The following NREP variants were observed in gnomAD, a reference collection of about 807,000 sequenced individuals.
NREP encodes neuronal regeneration related protein.
NREP carries 5 observed loss-of-function variants against 8.6 expected under a neutral mutation model. The observed-to-expected ratio is 0.58, with a 90% confidence interval of 0.30 to 1.22. The LOEUF is 1.22. NREP is among the 50% of genes most tolerant of loss of function. The probability of loss-of-function intolerance (pLI) is 0.07; values close to 1 mark genes in which losing one functional copy is unlikely to be tolerated. For synonymous variants in NREP, 27 were observed against 28.0 expected, an observed-to-expected ratio of 0.96 and a Z score of 0.11; for missense variants, 86 against 82.5, an observed-to-expected ratio of 1.04 and a Z score of -0.17.
chr5:111,811,069 A>G (rs1391856288), intron 2 of NREP, among the ~76,000 whole-genome samples: 1 of 152,202 alleles, frequency 6.6e-6, no homozygotes, highest in African/African-American at 2.4e-5. Flanking sequence ...ACAGTACAAT[A>G]GTGTGGAATA....
At chr5:111,882,641 ACT>A (rs1363709277) in intron 2 of NREP, among the ~76,000 whole-genome samples, 3 of 152,194 alleles carry the variant, frequency 2.0e-5, no homozygotes, top group African/African-American at 7.2e-5. Flanking sequence ...CTCGGCAGAA[ACT>A]CTACAAGCCA....
chr5:111,858,564 C>T (rs1048385820), intron 2 of NREP, among the ~76,000 whole-genome samples: 1 of 152,032 alleles, frequency 6.6e-6, no homozygotes. Context: ...ACAGGAGCAT[C>T]GCTTCAGCCC....
intron 2 of NREP, among the ~76,000 whole-genome samples, chr5:111,873,258 C>G (rs1254306020): frequency 2.6e-5 from 4 of 152,094 alleles, no homozygotes; most frequent in African/African-American, 7.2e-5. Flanking sequence ...AGAAAGGACA[C>G]AGAGAAGAAG....
chr5:111,925,415 C>T (rs971180658), intron 2 of NREP, among the ~76,000 whole-genome samples: 1 of 152,164 alleles, frequency 6.6e-6, no homozygotes, highest in Admixed American at 6.5e-5. Context: ...CTGTACTTTA[C>T]AGACCTCTAA....
chr5:111,956,225 G>C (rs1430915045), intron 2 of NREP, among the ~76,000 whole-genome samples: 2 of 152,014 alleles, frequency 1.3e-5, no homozygotes, highest in Non-Finnish European at 2.9e-5. Context: ...TGGGCTCACA[G>C]ACAAGAATTG....
At chr5:111,876,177 G>GA in intron 2 of NREP, among the ~76,000 whole-genome samples, 1 of 152,232 alleles carries the variant, frequency 6.6e-6, no homozygotes, top group Non-Finnish European at 1.5e-5. Flanking sequence ...CACAGCTGCT[G>GA]GCATTCCCAC....
At chr5:111,791,189 CT>C (rs753974320) in intron 2 of NREP, among the ~76,000 whole-genome samples, 6 of 152,176 alleles carry the variant, frequency 3.9e-5, no homozygotes, top group Non-Finnish European at 5.9e-5. Context: ...ATTAATGTAT[CT>C]ATTATCTCAC....
At chr5:111,775,796 T>C (rs145002002) in intron 2 of NREP, among the ~76,000 whole-genome samples, 81 of 152,260 alleles carry the variant, frequency 5.3e-4, no homozygotes, top group Non-Finnish European at 9.9e-4. Flanking sequence ...AAAATACTTG[T>C]GACTCCTATC....
In NREP at chr5:111,729,486, C is replaced by T. The variant is rs2112767019; in HGVS notation, c.*1435G>A. The T allele has an allele frequency of 2.0e-5, 3 of 152,732 alleles. 1 individual carries two copies. Among genetic ancestry groups the T allele is most frequent in the Admixed American group, 2.0e-4 (3 of 15,300 alleles). The allele number at this position is 152,732 out of a possible 1,614,324, so 9.5% of individuals were successfully genotyped here. A position where few individuals can be genotyped will look rare whatever the true frequency, so the allele number is the denominator to read the frequency against. Reference sequence around the variant, plus strand: ...GAATACTGTTTTCTTGCTCTATTTACACAGCTGATATACCTATTCTAACGA... The same window carrying T: ...GAATACTGTTTTCTTGCTCTATTTATACAGCTGATATACCTATTCTAACGA... On this transcript the variant is annotated 3_prime_UTR_variant, in exon 4 of 4. Transcript: ENST00000257435.
chr5:111,927,756 C>G (rs1393188138), intron 2 of NREP, among the ~76,000 whole-genome samples: 1 of 152,130 alleles, frequency 6.6e-6, no homozygotes, highest in Non-Finnish European at 1.5e-5. Context: ...CCCTTTCCTC[C>G]TTTCCTTCCT....
intron 2 of NREP, among the ~76,000 whole-genome samples, chr5:111,781,934 C>T (rs1310246598): frequency 6.6e-6 from 1 of 151,902 alleles, no homozygotes; most frequent in Non-Finnish European, 1.5e-5. Flanking sequence ...ATTTACTAAC[C>T]ATGTGATTAA....
intron 2 of NREP, among the ~76,000 whole-genome samples, chr5:111,825,403 C>T (rs1050704939): frequency 6.6e-6 from 1 of 152,084 alleles, no homozygotes; most frequent in African/African-American, 2.4e-5. Flanking sequence ...GCTCCCTATG[C>T]TTTTTTCATT....
At chr5:111,949,235 A>G (rs571292033) in intron 2 of NREP, among the ~76,000 whole-genome samples, 23 of 152,186 alleles carry the variant, frequency 1.5e-4, no homozygotes, top group African/African-American at 4.3e-4. Flanking sequence ...GGCTGAAAAC[A>G]TGGAACATGT....
intron 2 of NREP, among the ~76,000 whole-genome samples, chr5:111,824,282 C>T (rs572253020): frequency 1.8e-4 from 28 of 152,080 alleles, no homozygotes; most frequent in Admixed American, 7.2e-4. Flanking sequence ...GGCAGGAGAA[C>T]GGCATGAACC....
At chr5:111,811,146 T>G (rs1433257600) in intron 2 of NREP, among the ~76,000 whole-genome samples, 13 of 152,206 alleles carry the variant, frequency 8.5e-5, no homozygotes, top group Admixed American at 8.5e-4. Context: ...CACTTCTGTC[T>G]TATGCCTATG....
At chr5:111,904,753 A>G (rs1221983356) in intron 2 of NREP, among the ~76,000 whole-genome samples, 2 of 152,116 alleles carry the variant, frequency 1.3e-5, no homozygotes, top group African/African-American at 4.8e-5. Context: ...AAATAAAGAC[A>G]GCAGGAACCC....
chr5:111,816,415 A>C (rs1267913640), intron 2 of NREP, among the ~76,000 whole-genome samples: 1 of 152,190 alleles, frequency 6.6e-6, no homozygotes, highest in Non-Finnish European at 1.5e-5. Flanking sequence ...GGTTTAAAAC[A>C]TATATAAACA....
At chr5:111,819,368 A>G (rs2112922668) in intron 2 of NREP, among the ~76,000 whole-genome samples, 1 of 152,320 alleles carries the variant, frequency 6.6e-6, no homozygotes, top group African/African-American at 2.4e-5. Context: ...GGAATGACAC[A>G]GCAGTATGGG....
intron 2 of NREP, among the ~76,000 whole-genome samples, chr5:111,792,914 C>T (rs866190544): frequency 2.6e-5 from 4 of 152,096 alleles, no homozygotes; most frequent in East Asian, 1.9e-4. Flanking sequence ...TTTCTGATGA[C>T]GTTTCTTTTT....
Sources: allele counts gnomAD v4.1 joint callset (sites outside exome capture counted in the v4.1 genomes callset), GRCh38; gene constraint gnomAD v4.1.1; transcripts MANE v1.5; gene names NCBI Gene and HGNC (gene_info 2026-07-23, HGNC 2026-07-21).